Variants in SEPTIN9 observed in about 807,000 individuals in gnomAD.
SEPTIN9 encodes the protein septin 9.
Under a neutral mutation model 56.6 loss-of-function variants are expected in SEPTIN9, and 13 were observed. That is an observed-to-expected ratio of 0.23 (90% CI 0.15 to 0.37). The LOEUF is 0.37. SEPTIN9 is among the 10% of genes least tolerant of loss of function. The pLI, the probability that SEPTIN9 is intolerant of heterozygous loss-of-function variation, is 1.00. For synonymous variants in SEPTIN9, 332 were observed against 334.1 expected, an observed-to-expected ratio of 0.99 and a Z score of 0.07; for missense variants, 650 against 823.1, an observed-to-expected ratio of 0.79 and a Z score of 2.57.
intron 3 of SEPTIN9, chr17:77,481,849 C>T: frequency 2.2e-6 from 1 of 464,026 alleles, no homozygotes; most frequent in Non-Finnish European, 3.9e-6. Flanking sequence ...CGCAGGGGGC[C>T]CCCAGCTTGG....
At chr17:77,334,421 CA>C (rs34122443) in intron 2 of SEPTIN9, among the ~76,000 whole-genome samples, 51,448 of 92,588 alleles carry the variant, frequency 0.56, 10,062 homozygotes, top group Middle Eastern at 0.66. Context: ...GACTCTGTCT[CA>C]AAAAAAAAAA....
intron 10 of SEPTIN9, chr17:77,497,050 T>G: frequency 1.8e-6 from 1 of 549,586 alleles, no homozygotes; most frequent in Non-Finnish European, 3.3e-6. Flanking sequence ...CCATCTCCCA[T>G]TAGCCAGGAA....
intron 2 of SEPTIN9, among the ~76,000 whole-genome samples, chr17:77,379,399 G>A (rs978029192): frequency 1.2e-4 from 18 of 152,036 alleles, no homozygotes; most frequent in African/African-American, 4.3e-4. Flanking sequence ...CATGGTGGCC[G>A]TACGTGATGG....
intron 2 of SEPTIN9, among the ~76,000 whole-genome samples, chr17:77,315,291 C>CT (rs71280839): frequency 0.33 from 47,391 of 144,152 alleles, 8,384 homozygotes; most frequent in African/African-American, 0.45. Flanking sequence ...CACCTAACTT[C>CT]TTTTTTTTTT....
chr17:77,350,941 T>G (rs1490012502), intron 2 of SEPTIN9, among the ~76,000 whole-genome samples: 3 of 147,300 alleles, frequency 2.0e-5, no homozygotes, highest in East Asian at 3.9e-4. Flanking sequence ...TGCAGGGGGG[T>G]GTGTGTGCCT....
intron 2 of SEPTIN9, among the ~76,000 whole-genome samples, chr17:77,345,944 G>A (rs2033878239): frequency 6.7e-6 from 1 of 149,166 alleles, no homozygotes; most frequent in African/African-American, 2.5e-5. Context: ...GTTTTGTTTT[G>A]TTTTGTTTTG....
At chr17:77,406,828 G>A (rs962882069) in intron 3 of SEPTIN9, among the ~76,000 whole-genome samples, 2 of 151,982 alleles carry the variant, frequency 1.3e-5, no homozygotes, top group African/African-American at 2.4e-5. Flanking sequence ...GGGCTACCAC[G>A]CCTGGCTAAC....
At chr17:77,376,454 G>T (rs1055453006) in intron 2 of SEPTIN9, 1 of 962,738 alleles carries the variant, frequency 1.0e-6, no homozygotes, top group Non-Finnish European at 1.2e-6. Context: ...TGGGATGGTG[G>T]CCCCAGGGTT....
chr17:77,404,914 G>C (rs534217229), intron 3 of SEPTIN9, among the ~76,000 whole-genome samples: 2 of 152,340 alleles, frequency 1.3e-5, no homozygotes, highest in South Asian at 4.1e-4. Flanking sequence ...CAGGCCAAAG[G>C]CATGGGCAGT....
intron 2 of SEPTIN9, among the ~76,000 whole-genome samples, chr17:77,346,333 C>G (rs943290917): frequency 8.3e-6 from 1 of 120,456 alleles, no homozygotes; most frequent in Non-Finnish European, 1.6e-5. Context: ...TAAGCACTTA[C>G]AGTTTCCCTC....
chr17:77,489,767 C>T (rs2039947035), intron 7 of SEPTIN9, among the ~76,000 whole-genome samples: 1 of 152,182 alleles, frequency 6.6e-6, no homozygotes, highest in East Asian at 1.9e-4. Flanking sequence ...TCGAGCCCAC[C>T]CTCTGGCATC....
At chr17:77,341,419 G>C (rs7503299) in intron 2 of SEPTIN9, among the ~76,000 whole-genome samples, 87,143 of 152,066 alleles carry the variant, frequency 0.57, 25,655 homozygotes, top group East Asian at 0.99. Context: ...TATTGAATAA[G>C]TTCACTGTCT....
At position 77,479,898 on chromosome 17, in the gene SEPTIN9, C is replaced by T. The variant is rs188738439; in HGVS notation, c.722-2246C>T. ...GGGACTGAACTGCTGCCCCGCAAGG[C>T]AAGGCCCCATGTCTGGCTTCAGGAA... is the stretch of plus-strand genomic sequence containing the variant. On this transcript the variant is annotated intron_variant, in intron 3 of 11. Transcript: ENST00000427177. Among the ~76,000 whole-genome samples, 3 of 152,244 alleles carry T rather than the reference C, an allele frequency of 2.0e-5. No individual in the cohort carries two copies. The East Asian group carries it at 5.8e-4, about 29-fold the overall frequency.
At chr17:77,470,355 TACCCATCCACTTATCC>T (rs2038937700) in intron 3 of SEPTIN9, among the ~76,000 whole-genome samples, 1 of 135,620 alleles carries the variant, frequency 7.4e-6, no homozygotes, top group Admixed American at 7.3e-5. Context: ...TCCACTCATC[TACCCATCCACTTATCC>T]ATCCATCCAC....
chr17:77,332,348 C>G (rs544148753), intron 2 of SEPTIN9, among the ~76,000 whole-genome samples: 9 of 152,170 alleles, frequency 5.9e-5, no homozygotes, highest in African/African-American at 1.9e-4. Flanking sequence ...ATGCACCTAC[C>G]ACCTAGATTC....
At chr17:77,488,089 C>A in intron 5 of SEPTIN9, 151 bp from the exon 6 acceptor site, 1 of 719,296 alleles carries the variant, frequency 1.4e-6, no homozygotes. Context: ...CCGGCCTGTG[C>A]CGGAGTTGGC....
chr17:77,336,708 GT>G (rs375130856), intron 2 of SEPTIN9, among the ~76,000 whole-genome samples: 2 of 149,958 alleles, frequency 1.3e-5, no homozygotes, highest in East Asian at 2.0e-4. Context: ...TTGATGCCTT[GT>G]TTTTTTTTCT....
At chr17:77,463,483 G>A (rs1344821954) in intron 3 of SEPTIN9, among the ~76,000 whole-genome samples, 1 of 152,088 alleles carries the variant, frequency 6.6e-6, no homozygotes, top group Non-Finnish European at 1.5e-5. Flanking sequence ...ATCGACTTTG[G>A]AAACAAAAGA....
rs76907498 is a variant in SEPTIN9, at chr17:77,489,008, G to A, written c.1262+144G>A. 4,864 of 1,061,398 alleles carry A rather than the reference G, an allele frequency of 4.6e-3. 145 individuals carry two copies. In the East Asian group the frequency reaches 0.082, roughly 18 times the overall value. 65.7% of individuals were successfully genotyped at this position (1,061,398 alleles called of 1,614,324 possible). ...CCATGGCCGCCAGCTATGAAGTTGG[G>A]GGTGTGCCATGTCTGCACCTCCAAA... is the stretch of plus-strand genomic sequence containing the variant. On this transcript the variant is annotated intron_variant, in intron 7 of 11. Coordinates refer to ENST00000427177, the MANE Select transcript of SEPTIN9 (RefSeq NM_001113491.2).
Sources: allele counts gnomAD v4.1 joint callset (sites outside exome capture counted in the v4.1 genomes callset), GRCh38; gene constraint gnomAD v4.1.1; transcripts MANE v1.5; gene names NCBI Gene and HGNC (gene_info 2026-07-23, HGNC 2026-07-21).